The following ATP10B variants were observed in gnomAD, a reference collection of about 807,000 sequenced individuals.
ATP10B encodes phospholipid-transporting ATPase VB.
A neutral mutation model predicts 141.2 loss-of-function variants in ATP10B; 122 were observed. That is an observed-to-expected ratio of 0.86 (90% confidence interval 0.75 to 1.00). ATP10B has a LOEUF of 1.00. Ranked by LOEUF, ATP10B falls within the 50% of genes least tolerant of loss-of-function variation. The pLI, the probability that ATP10B is intolerant of heterozygous loss-of-function variation, is 0.00. For missense variants in ATP10B, 1,876 were observed against 1,825.3 expected (o/e 1.03, Z -0.51); for synonymous variants, 685 against 692.0 (o/e 0.99, Z 0.16).
At chr5:160,715,262 G>C (rs932911042) in intron 3 of ATP10B, among the ~76,000 whole-genome samples, 7 of 126,658 alleles carry the variant, frequency 5.5e-5, no homozygotes, top group African/African-American at 2.1e-4. Context: ...CTAGCAATCA[G>C]CGAGATTCCG....
chr5:160,664,633 A>G (rs1762208600), intron 7 of ATP10B, among the ~76,000 whole-genome samples: 1 of 152,150 alleles, frequency 6.6e-6, no homozygotes, highest in Non-Finnish European at 1.5e-5. Context: ...TCAGTCTGGG[A>G]TGGGGCCTGA....
At chr5:160,753,873 G>GT (rs1768333335) in intron 2 of ATP10B, among the ~76,000 whole-genome samples, 1 of 152,170 alleles carries the variant, frequency 6.6e-6, no homozygotes, top group South Asian at 2.1e-4. Flanking sequence ...CAGTGATGAG[G>GT]TCAAGACTGA....
rs1402375355 is a variant in ATP10B at position 160,653,788 on chromosome 5, ATTATATAGACGTATATACATATAT to A, written c.676-4556_676-4533del. Among the ~76,000 whole-genome samples the A allele has an allele frequency of 2.6e-3, 328 of 125,626 alleles. 14 individuals are homozygous for A. The highest frequency in any genetic ancestry group is 9.8e-3 in the African/African-American group (307 of 31,384). The allele number at this position is 125,626 out of a possible 152,430, so 82.4% of individuals were successfully genotyped here. ...ATAATATATACATATATACATATAT[ATTATATAGACGTATATACATATAT>A]ATTATATAGACGTATATACATATAT... is the stretch of plus-strand genomic sequence containing the variant. On this transcript the variant is annotated intron_variant, in intron 7 of 25. Coordinates refer to ENST00000327245, the MANE Select transcript of ATP10B (RefSeq NM_025153.3).
the ATP10B span, among the ~76,000 whole-genome samples, chr5:160,896,527 A>G: frequency 2.6e-5 from 4 of 152,142 alleles, no homozygotes; most frequent in African/African-American, 9.7e-5. Context: ...GCCAATAACA[A>G]GTTCTGAAAT....
At chr5:160,732,393 G>C (rs1023008976) in intron 2 of ATP10B, among the ~76,000 whole-genome samples, 4 of 152,146 alleles carry the variant, frequency 2.6e-5, no homozygotes, top group African/African-American at 9.7e-5. Context: ...GTCCTGAAGT[G>C]CTTTTCCTAT....
intron 1 of ATP10B, among the ~76,000 whole-genome samples, chr5:160,812,046 G>T (rs1424472077): frequency 6.6e-6 from 1 of 151,820 alleles, no homozygotes; most frequent in Non-Finnish European, 1.5e-5. Flanking sequence ...GAGAGAGAGA[G>T]AGAGAGAGAG....
upstream of ATP10B, among the ~76,000 whole-genome samples, chr5:160,854,307 C>G (rs1402555579): frequency 3.9e-5 from 6 of 152,108 alleles, no homozygotes; most frequent in Admixed American, 3.9e-4. Context: ...GGCATTTCTC[C>G]TAATGCTATC....
At chr5:160,810,157 A>G (rs1003932236) in intron 1 of ATP10B, among the ~76,000 whole-genome samples, 2 of 151,804 alleles carry the variant, frequency 1.3e-5, no homozygotes, top group Non-Finnish European at 2.9e-5. Flanking sequence ...CCTCTAGTTC[A>G]TTAGTTTGTT....
chr5:160,812,020 CAGAGAGAGAGAGAGAGAG>C (rs34793101), intron 1 of ATP10B, among the ~76,000 whole-genome samples: 6 of 111,418 alleles, frequency 5.4e-5, no homozygotes, highest in African/African-American at 1.2e-4. Context: ...GAGACAGAGA[CAGAGAGAGAGAGAGAGAG>C]AGAGAGAGAG....
In ATP10B at chr5:160,788,516, A is replaced by G. The variant is rs371422099; in HGVS notation, c.-575-2713T>C. Among the ~76,000 whole-genome samples the G allele has an allele frequency of 2.0e-5, 3 of 152,300 alleles. No homozygotes were observed. In the South Asian group the frequency reaches 6.2e-4, roughly 32 times the overall value. ...ATCCTGCTGGTTTTACTTTGGCTGTATCAAAAAAGAAACTGTTAATCTGGT... is the reference window on the plus strand; with the variant it reads ...ATCCTGCTGGTTTTACTTTGGCTGTGTCAAAAAAGAAACTGTTAATCTGGT... On this transcript the variant is annotated intron_variant, in intron 1 of 25. Transcript: ENST00000327245.
chr5:160,657,688 G>C (rs1375022203), intron 7 of ATP10B, among the ~76,000 whole-genome samples: 2 of 152,160 alleles, frequency 1.3e-5, no homozygotes, highest in Non-Finnish European at 2.9e-5. Context: ...ACTGGAAATA[G>C]GATGATTTCT....
At chr5:160,880,030 G>C in the ATP10B span, among the ~76,000 whole-genome samples, 1 of 151,138 alleles carries the variant, frequency 6.6e-6, no homozygotes, top group Non-Finnish European at 1.5e-5. Context: ...AAATTCTTCT[G>C]TATAAATCTA....
intron 1 of ATP10B, among the ~76,000 whole-genome samples, chr5:160,800,684 G>A (rs1279925678): frequency 2.6e-5 from 4 of 152,148 alleles, no homozygotes; most frequent in African/African-American, 7.2e-5. Context: ...TATGGGATTT[G>A]GCTAATATAA....
In ATP10B at chr5:160,756,637, A is replaced by G. The variant is rs543744565; in HGVS notation, c.-331+28922T>C. Among the ~76,000 whole-genome samples, 19 of 151,916 alleles carry G rather than the reference A, an allele frequency of 1.3e-4. No individual in the cohort carries two copies. The South Asian group carries it at 4.0e-3, about 32-fold the overall frequency. On this transcript the variant is annotated intron_variant, in intron 2 of 25. Coordinates refer to ENST00000327245, the MANE Select transcript of ATP10B (RefSeq NM_025153.3). ...ATAGACTAACAATGTTGCGCTTTTC[A>G]TGTGTTTATTTGCCATCCGTAATTT...
intron 2 of ATP10B, among the ~76,000 whole-genome samples, chr5:160,748,185 A>G (rs1767936058): frequency 6.6e-6 from 1 of 152,116 alleles, no homozygotes; most frequent in Non-Finnish European, 1.5e-5. Flanking sequence ...GAGAACAATA[A>G]GCTTGCCCAG....
chr5:160,882,475 T>TC, the ATP10B span, among the ~76,000 whole-genome samples: 1 of 152,190 alleles, frequency 6.6e-6, no homozygotes, highest in African/African-American at 2.4e-5. Context: ...AGAGATGGGG[T>TC]CTGGCCATGT....
the ATP10B span, among the ~76,000 whole-genome samples, chr5:160,923,493 G>A: frequency 6.6e-6 from 1 of 152,194 alleles, no homozygotes; most frequent in Non-Finnish European, 1.5e-5. Context: ...TGCCCAGGAC[G>A]CTGTGAAAGT....
chr5:160,686,672 C>G (rs12658372), intron 5 of ATP10B, among the ~76,000 whole-genome samples: 1 of 152,068 alleles, frequency 6.6e-6, no homozygotes, highest in Middle Eastern at 3.4e-3. Context: ...GGAAAACCAT[C>G]TAGATTTAAA....
the ATP10B span, among the ~76,000 whole-genome samples, chr5:160,917,269 CTTTT>C: frequency 4.7e-5 from 6 of 127,674 alleles, no homozygotes; most frequent in Admixed American, 8.0e-5. Flanking sequence ...TAGGGTACTT[CTTTT>C]TTTTTTTTTT....
Sources: gnomAD v4.1 joint callset for allele counts (sites outside exome capture counted in the v4.1 genomes callset) on GRCh38, gnomAD v4.1.1 for gene constraint, MANE v1.5 for transcripts, NCBI Gene and HGNC (gene_info 2026-07-23, HGNC 2026-07-21) for gene names.